The following NAA15 variants were observed in gnomAD, a reference collection of about 807,000 sequenced individuals.
NAA15 encodes N-alpha-acetyltransferase 15, NatA auxiliary subunit.
In NAA15, 34 loss-of-function variants were observed where a neutral mutation model predicts 114.0. The ratio of observed to expected loss-of-function variants is 0.30; its 90% confidence interval spans 0.23 to 0.40. The LOEUF is 0.40. Ranked by LOEUF, NAA15 falls within the 10% of genes least tolerant of loss-of-function variation. NAA15 has a pLI of 1.00. For missense variants in NAA15, 658 were observed against 1,004.5 expected (o/e 0.66, Z 4.66); for synonymous variants, 340 against 338.0 (o/e 1.01, Z -0.06).
rs909254599 is a variant in NAA15 at position 139,321,471 on chromosome 4, G to GTTT, written c.55-12687_55-12685dup. 2.5e-3 allele frequency among the ~76,000 whole-genome samples: 284 copies of GTTT among 113,232 alleles called. 9 individuals carry two copies. Among genetic ancestry groups the GTTT allele is most frequent in the Middle Eastern group, 5.4e-3 (1 of 186 alleles). 74.3% of individuals were successfully genotyped at this position (113,232 alleles called of 152,430 possible). ...GAGCCACAGTGCCTGGCCCTTATTTGTTTTTTTTTTTTTTTTTTGAAACGG... is the reference window on the plus strand; with the variant it reads ...GAGCCACAGTGCCTGGCCCTTATTTGTTTTTTTTTTTTTTTTTTTTTGAAACGG... On this transcript the variant is annotated intron_variant, in intron 1 of 19. Transcript: ENST00000296543.
intron 14 of NAA15, 83 bp from the exon 15 acceptor site, chr4:139,370,128 G>T (rs1748394435): frequency 8.7e-7 from 1 of 1,149,864 alleles, no homozygotes; most frequent in Admixed American, 3.5e-5. Context: ...TTTAATGGAA[G>T]TTTGGTAGGA....
chr4:139,387,749 A>G, intron 19 of NAA15, 135 bp from the exon 20 acceptor site: 1 of 670,180 alleles, frequency 1.5e-6, no homozygotes, highest in East Asian at 2.7e-5. Context: ...AATAGAATGC[A>G]TATGCAGGAG....
chr4:139,322,581 A>G (rs1317301098), intron 1 of NAA15, among the ~76,000 whole-genome samples: 1 of 152,230 alleles, frequency 6.6e-6, no homozygotes, highest in East Asian at 1.9e-4. Context: ...CCAGCCATGC[A>G]TGAGCACCAG....
At chr4:139,319,748 A>G (rs1746537893) in intron 1 of NAA15, among the ~76,000 whole-genome samples, 1 of 152,092 alleles carries the variant, frequency 6.6e-6, no homozygotes, top group African/African-American at 2.4e-5. Flanking sequence ...CTATTTCTTA[A>G]TATTGTGGGT....
At chr4:139,383,699 G>A (rs191271540) in intron 17 of NAA15, among the ~76,000 whole-genome samples, 43 of 152,294 alleles carry the variant, frequency 2.8e-4, no homozygotes, top group Non-Finnish European at 2.9e-5. Flanking sequence ...TCGAACTCCT[G>A]ACCTCAAGTG....
chr4:139,325,270 A>C (rs1746759491), intron 1 of NAA15, among the ~76,000 whole-genome samples: 1 of 152,200 alleles, frequency 6.6e-6, no homozygotes, highest in South Asian at 2.1e-4. Flanking sequence ...GTTGATTAGA[A>C]GATCTTTTAA....
chr4:139,358,191 G>T (rs1012522938), intron 11 of NAA15, among the ~76,000 whole-genome samples: 16 of 143,570 alleles, frequency 1.1e-4, no homozygotes, highest in East Asian at 4.0e-4. Flanking sequence ...TTTTGTTTTT[G>T]TTTTTTTTTT....
intron 1 of NAA15, among the ~76,000 whole-genome samples, chr4:139,313,873 A>C (rs1363315049): frequency 6.6e-6 from 1 of 151,842 alleles, no homozygotes; most frequent in Non-Finnish European, 1.5e-5. Flanking sequence ...ATATACAGGT[A>C]ATTCCACTGT....
intron 16 of NAA15, among the ~76,000 whole-genome samples, 188 bp from the exon 17 acceptor site, chr4:139,378,568 T>C (rs1471053125): frequency 6.6e-6 from 1 of 152,192 alleles, no homozygotes; most frequent in Non-Finnish European, 1.5e-5. Flanking sequence ...AAACGTTTTT[T>C]CTTAATGTTA....
At chr4:139,322,398 T>C (rs536168139) in intron 1 of NAA15, among the ~76,000 whole-genome samples, 2 of 152,338 alleles carry the variant, frequency 1.3e-5, no homozygotes, top group South Asian at 4.1e-4. Flanking sequence ...AATAAACCTC[T>C]TTGTTTTGTA....
Position 139,359,854 on chromosome 4 carries a change from C to T in NAA15, c.1369C>T (p.Leu457=). Residue 457 remains leucine, a synonymous_variant, in exon 12 of 20, where the codon CTG becomes TTG. Transcript: ENST00000296543. ...TGCAAAATACATGCTAAAAGCCAAC[C>T]TGATTAAAGAAGCTGAAGAAATGTG... ...KCAKYMLKAN[L]IKEAEEMCSK... The T allele has an allele frequency of 1.2e-6, 2 of 1,605,300 alleles. No homozygotes were observed. Among genetic ancestry groups the T allele is most frequent in the Admixed American group, 1.8e-5 (1 of 56,584 alleles).
chr4:139,332,573 T>TTTTG (rs1491508825), intron 1 of NAA15, among the ~76,000 whole-genome samples: 3 of 69,304 alleles, frequency 4.3e-5, no homozygotes, highest in East Asian at 7.4e-4. Flanking sequence ...GGTTTGTATG[T>TTTTG]TTTTTTTTTT....
chr4:139,388,972 C>T lies in NAA15; in HGVS notation c.*888C>T, dbSNP rs560002284. On this transcript the variant is annotated 3_prime_UTR_variant, in exon 20 of 20. Coordinates refer to ENST00000296543, the MANE Select transcript of NAA15 (RefSeq NM_057175.5). ...GGCTTGAAGTTAAAGAGCAGAACTC[C>T]TGACTACCATTCTATGACTGATCAA... 2 of 150,420 alleles carry T rather than the reference C, an allele frequency of 1.3e-5. No individual in the cohort carries two copies. Among genetic ancestry groups the T allele is most frequent in the African/African-American group, 5.1e-5 (2 of 39,494 alleles). The allele number at this position is 150,420 out of a possible 1,614,324, so 9.3% of individuals were successfully genotyped here. A position where few individuals can be genotyped will look rare whatever the true frequency, so the allele number is the denominator to read the frequency against.
Position 139,388,014 on chromosome 4 carries a change from A to G in NAA15, c.2531A>G (p.Glu844Gly). The G allele has an allele frequency of 6.2e-7, 1 of 1,613,986 alleles. No homozygotes were observed. Among genetic ancestry groups the G allele is most frequent in the Non-Finnish European group, 8.5e-7 (1 of 1,179,920 alleles). ...TTGGCTTTCATGCCTCCTGGATATG[A>G]AGAGGATATGAAGATCACAGTTAAT... Reference protein sequence around the residue: ...YALAFMPPGYEEDMKITVNGD... With the variant: ...YALAFMPPGYGEDMKITVNGD... Residue 844 changes from glutamate to glycine, a missense_variant, in exon 20 of 20, where the codon GAA becomes GGA. Transcript: ENST00000296543.
chr4:139,348,176 G>A (rs1377003452), intron 6 of NAA15, among the ~76,000 whole-genome samples: 7 of 152,084 alleles, frequency 4.6e-5, no homozygotes, highest in African/African-American at 7.2e-5. Context: ...ACTGGTGGCC[G>A]GGCACGGTGA....
intron 1 of NAA15, among the ~76,000 whole-genome samples, chr4:139,305,568 G>A (rs1423782907): frequency 2.8e-5 from 4 of 144,216 alleles, no homozygotes; most frequent in Non-Finnish European, 4.5e-5. Flanking sequence ...ACGGAGTTTC[G>A]CTTTTGTTGC....
At chr4:139,385,281 A>G (rs1276124072) in intron 18 of NAA15, among the ~76,000 whole-genome samples, 1 of 121,208 alleles carries the variant, frequency 8.3e-6, no homozygotes, top group Non-Finnish European at 1.6e-5. Context: ...ATATATATAT[A>G]TAATATATAT....
intron 19 of NAA15, among the ~76,000 whole-genome samples, chr4:139,387,198 A>C (rs1323747268): frequency 6.6e-6 from 1 of 152,192 alleles, no homozygotes; most frequent in Non-Finnish European, 1.5e-5. Context: ...TTGCATGTGG[A>C]AACTAAGTAG....
chr4:139,345,257 A>G (rs1381727534), intron 6 of NAA15, among the ~76,000 whole-genome samples: 1 of 152,204 alleles, frequency 6.6e-6, no homozygotes, highest in Non-Finnish European at 1.5e-5. Flanking sequence ...TGCAGATCCA[A>G]GACAACCTTC....
Sources: allele counts gnomAD v4.1 joint callset (sites outside exome capture counted in the v4.1 genomes callset), GRCh38; gene constraint gnomAD v4.1.1; transcripts MANE v1.5; gene names NCBI Gene and HGNC (gene_info 2026-07-23, HGNC 2026-07-21).